The following FLT4 variants were observed in gnomAD, a reference collection of about 807,000 sequenced individuals.
FLT4 encodes the protein vascular endothelial growth factor receptor 3.
FLT4 carries 30 observed loss-of-function variants against 163.2 expected under a neutral mutation model. The observed-to-expected ratio is 0.18, with a 90% confidence interval of 0.14 to 0.25. The LOEUF (loss-of-function observed/expected upper bound fraction) is 0.25, where lower values mean the gene tolerates loss of function less well. Among genes scored for constraint, FLT4 ranks in the 10% least tolerant of loss-of-function variants. The pLI is 1.00. For synonymous variants in FLT4, 884 were observed against 789.5 expected, an observed-to-expected ratio of 1.12 and a Z score of -2.01; for missense variants, 1,510 against 1,863.8, an observed-to-expected ratio of 0.81 and a Z score of 3.50.
intron 26 of FLT4, 73 bp downstream of exon 26, chr5:180,612,433 A>AG: frequency 9.1e-7 from 1 of 1,104,068 alleles, no homozygotes; most frequent in African/African-American, 1.5e-5. Context: ...ATGGGCTTGG[A>AG]GGGGCAGCTC....
chr5:180,615,195 CGCT>C (rs1363512704), intron 23 of FLT4, among the ~76,000 whole-genome samples: 79,364 of 132,950 alleles, frequency 0.6, 22,421 homozygotes, highest in Admixed American at 0.68. Flanking sequence ...CACTGGGCCC[CGCT>C]GGTCACCTCC....
At position 180,603,428 on chromosome 5, in the gene FLT4, A is replaced by G. The variant is rs976096710; in HGVS notation, c.3894-38T>C. 2.5e-6 allele frequency: 4 copies of G among 1,598,154 alleles called. No individual in the cohort carries two copies. In the African/African-American group the frequency reaches 5.4e-5, roughly 21 times the overall value. ...GGAAGGTGGTGTTAGTAAGAGAAGA[A>G]GGCTGGGTGGCGGGTGGTGCATACT... On this transcript the variant is annotated intron_variant, in intron 29 of 29. Coordinates refer to ENST00000261937, the MANE Select transcript of FLT4 (RefSeq NM_182925.5).
intron 22 of FLT4, among the ~76,000 whole-genome samples, 193 bp downstream of exon 22, chr5:180,616,707 C>G (rs1461032527): frequency 1.3e-5 from 2 of 152,214 alleles, no homozygotes; most frequent in African/African-American, 4.8e-5. Flanking sequence ...GTCAAACAGA[C>G]TCTGCTGCTG....
chr5:180,614,894 G>A (rs1762516947), intron 23 of FLT4, among the ~76,000 whole-genome samples: 1 of 152,190 alleles, frequency 6.6e-6, no homozygotes, highest in Middle Eastern at 3.4e-3. Context: ...TCCCCCAGGC[G>A]CGGAACCCTG....
At chr5:180,604,734 A>T (rs982710563) in intron 29 of FLT4, among the ~76,000 whole-genome samples, 3 of 152,116 alleles carry the variant, frequency 2.0e-5, no homozygotes, top group African/African-American at 7.2e-5. Flanking sequence ...TGCTACTGAA[A>T]ACTCTTGACT....
chr5:180,621,064 C>G (rs779985642), intron 14 of FLT4, 42 bp downstream of exon 14: 2 of 1,612,312 alleles, frequency 1.2e-6, no homozygotes, highest in Non-Finnish European at 1.7e-6. Context: ...GTCGGCCTCG[C>G]GGGCCTCCGG....
chr5:180,626,881 C>T (rs1315083624), intron 8 of FLT4, among the ~76,000 whole-genome samples: 3 of 152,244 alleles, frequency 2.0e-5, no homozygotes, highest in African/African-American at 7.2e-5. Context: ...AGCCAGGAAT[C>T]TGCAGGGTTC....
chr5:180,616,622 G>T, intron 22 of FLT4, 133 bp from the exon 23 acceptor site: 1 of 1,004,518 alleles, frequency 1.0e-6, no homozygotes, highest in Non-Finnish European at 1.5e-6. Context: ...CTTTGGGGAA[G>T]GATTCCCATC....
rs796052105 is a variant in FLT4 at position 180,620,282 on chromosome 5, G to T, written c.2433C>A (p.Gly811=). 1 of 1,612,078 alleles carries T rather than the reference G, an allele frequency of 6.2e-7. No individual in the cohort carries two copies. Among genetic ancestry groups the T allele is most frequent in the Admixed American group, 1.7e-5 (1 of 60,028 alleles). Residue 811 remains glycine, a synonymous_variant, in exon 17 of 30, where the codon GGC becomes GGA. Coordinates refer to ENST00000261937, the MANE Select transcript of FLT4 (RefSeq NM_182925.5). This position sits in a 1 kb window ranked among gnomAD's most constrained non-coding sequence, Gnocchi z 4.4. ...CGGGGTCCATGATGATGGACAGGTA[G>T]CCCGTCTTGATGTCTGCGTGGGCCG... is the stretch of plus-strand genomic sequence containing the variant. ...RRPAHADIKT[G]YLSIIMDPGE...
intron 1 of FLT4, among the ~76,000 whole-genome samples, chr5:180,643,773 T>A (rs1173578472): frequency 6.6e-6 from 1 of 151,490 alleles, no homozygotes; most frequent in African/African-American, 2.4e-5. Context: ...CCAGGACTCC[T>A]GCACTTTTCC....
chr5:180,648,403 G>C (rs781332549), intron 1 of FLT4, among the ~76,000 whole-genome samples: 1 of 152,142 alleles, frequency 6.6e-6, no homozygotes, highest in African/African-American at 2.4e-5. Flanking sequence ...CATGTCCTTG[G>C]TCTAAGCTTC....
At chr5:180,627,642 T>C (rs1763736166) in intron 8 of FLT4, among the ~76,000 whole-genome samples, 1 of 152,058 alleles carries the variant, frequency 6.6e-6, no homozygotes, top group Non-Finnish European at 1.5e-5. Flanking sequence ...GTGGCTGCCA[T>C]AGGAAGAGAG....
At chr5:180,641,983 C>A (rs150234131) in intron 1 of FLT4, among the ~76,000 whole-genome samples, 1 of 152,040 alleles carries the variant, frequency 6.6e-6, no homozygotes, top group African/African-American at 2.4e-5. Context: ...CCAAGGTGGG[C>A]GGATCAGGAG....
At chr5:180,629,583 G>A (rs1185215199) in intron 6 of FLT4, 113 bp downstream of exon 6, 3 of 1,473,298 alleles carry the variant, frequency 2.0e-6, no homozygotes, top group Admixed American at 1.9e-5. Flanking sequence ...CTCAGACCGG[G>A]GCCCCTGGGG....
intron 28 of FLT4, chr5:180,609,392 CA>C: frequency 4.4e-6 from 2 of 454,508 alleles, no homozygotes; most frequent in East Asian, 3.9e-5. Context: ...GCTCGTAGTT[CA>C]AAAAACGATC....
chr5:180,608,990 G>T lies in FLT4; in HGVS notation c.3871C>A (p.His1291Asn), dbSNP rs774984160. 1.9e-6 allele frequency: 3 copies of T among 1,614,126 alleles called. No individual in the cohort carries two copies. The East Asian group carries it at 6.7e-5, about 36-fold the overall frequency. ...SEEFEQIESR[H>N]RQESGFSCKG... ...TACCTGAAGCCGCTTTCTTGTCTAT[G>T]CCTGCTCTCTATCTGCTCAAACTCC... Residue 1291 changes from histidine to asparagine, a missense_variant, in exon 29 of 30, where the codon CAT becomes AAT. Coordinates refer to ENST00000261937, the MANE Select transcript of FLT4 (RefSeq NM_182925.5).
chr5:180,634,802 ATGGG>A (rs1227080492), intron 1 of FLT4, among the ~76,000 whole-genome samples: 1 of 2,384 alleles, frequency 4.2e-4, no homozygotes, highest in Admixed American at 7.5e-3. Context: ...GGACAGACAG[ATGGG>A]TGGATGGGTG....
Position 180,623,449 on chromosome 5 carries a change from C to G in FLT4, c.1548+486G>C, listed in dbSNP as rs1311212445. On this transcript the variant is annotated intron_variant, in intron 11 of 29. Coordinates refer to ENST00000261937, the MANE Select transcript of FLT4 (RefSeq NM_182925.5). This position sits in a 1 kb window ranked among gnomAD's most constrained non-coding sequence, Gnocchi z 5.8. ...TCCAAAGACCCCCACCCCCACCCCA[C>G]CCCCAGCTGGGCACTTCCTGTCCAG... 6.6e-6 allele frequency among the ~76,000 whole-genome samples: 1 copy of G among 151,900 alleles called. No individual in the cohort carries two copies. Among genetic ancestry groups the G allele is most frequent in the Non-Finnish European group, 1.5e-5 (1 of 67,938 alleles).
In FLT4 at chr5:180,620,097, G is replaced by A; in HGVS notation, c.2542+76C>T. 4 of 1,528,800 alleles carry A rather than the reference G, an allele frequency of 2.6e-6. No individual in the cohort carries two copies. Among genetic ancestry groups the A allele is most frequent in the Non-Finnish European group, 3.5e-6 (4 of 1,131,622 alleles). 94.7% of individuals were successfully genotyped at this position (1,528,800 alleles called of 1,614,324 possible). On this transcript the variant is annotated intron_variant, in intron 17 of 29. Coordinates refer to ENST00000261937, the MANE Select transcript of FLT4 (RefSeq NM_182925.5). The surrounding 1 kb of genome is among the most constrained non-coding windows in gnomAD (Gnocchi z 4.4). ...TCCTGGTGCAAGTTTTGAAAATGGA[G>A]GGATTCAGGCACTCCGGCCTGCAGC... is the stretch of plus-strand genomic sequence containing the variant.
Sources: gnomAD v4.1 joint callset for allele counts (sites outside exome capture counted in the v4.1 genomes callset) on GRCh38, gnomAD v4.1.1 for gene constraint, Gnocchi (gnomAD v3.1) non-coding constraint, MANE v1.5 for transcripts, NCBI Gene and HGNC (gene_info 2026-07-23, HGNC 2026-07-21) for gene names.